Variants in ADAMTS3 observed in about 807,000 individuals in gnomAD.
ADAMTS3 encodes the protein ADAM metallopeptidase with thrombospondin type 1 motif 3.
A neutral mutation model predicts 129.0 loss-of-function variants in ADAMTS3; 73 were observed. That is an observed-to-expected ratio of 0.57 (90% confidence interval 0.47 to 0.69). The LOEUF is 0.69. ADAMTS3 is among the 30% of genes least tolerant of loss of function. ADAMTS3 has a pLI of 0.00. For missense variants in ADAMTS3, 1,457 were observed against 1,514.5 expected (o/e 0.96, Z 0.63); for synonymous variants, 477 against 510.8 (o/e 0.93, Z 0.89).
At chr4:72,478,908 CAGAG>C (rs1719330531) in intron 3 of ADAMTS3, among the ~76,000 whole-genome samples, 1 of 151,802 alleles carries the variant, frequency 6.6e-6, no homozygotes, top group East Asian at 1.9e-4. Flanking sequence ...AACAGACAAA[CAGAG>C]AGCCAAATCA....
chr4:72,538,784 C>G (rs1209327084), intron 3 of ADAMTS3, among the ~76,000 whole-genome samples: 1 of 152,016 alleles, frequency 6.6e-6, no homozygotes, highest in Non-Finnish European at 1.5e-5. Flanking sequence ...CTACAGTAAT[C>G]AAAATAAAGT....
chr4:72,318,487 C>T (rs552423996), intron 10 of ADAMTS3, 85 bp downstream of exon 10: 368 of 1,409,570 alleles, frequency 2.6e-4, no homozygotes, highest in Non-Finnish European at 2.9e-4. Flanking sequence ...TATACTTGCA[C>T]CAGTGAGTCT....
chr4:72,332,944 A>T (rs75902632), intron 5 of ADAMTS3, among the ~76,000 whole-genome samples: 5,623 of 152,238 alleles, frequency 0.037, 345 homozygotes, highest in African/African-American at 0.13. Flanking sequence ...CTTTGTAATG[A>T]GAGGCAGTGA....
At chr4:72,335,408 C>T (rs751157168) in intron 5 of ADAMTS3, among the ~76,000 whole-genome samples, 7 of 152,084 alleles carry the variant, frequency 4.6e-5, no homozygotes, top group Non-Finnish European at 8.8e-5. Context: ...AGGTGGACAA[C>T]TTGCATGGCT....
At chr4:72,377,628 G>C (rs561411236) in intron 4 of ADAMTS3, among the ~76,000 whole-genome samples, 1 of 152,264 alleles carries the variant, frequency 6.6e-6, no homozygotes, top group African/African-American at 2.4e-5. Flanking sequence ...GATGCTAAAA[G>C]TATTCCAAGT....
At chr4:72,548,994 A>T in intron 2 of ADAMTS3, 110 bp from the exon 3 acceptor site, 1 of 922,856 alleles carries the variant, frequency 1.1e-6, no homozygotes, top group Non-Finnish European at 1.6e-6. Flanking sequence ...AATGTGCATA[A>T]TATAGACATT....
chr4:72,566,399 C>G (rs1401151), intron 2 of ADAMTS3, among the ~76,000 whole-genome samples: 146,397 of 152,306 alleles, frequency 0.96, 70,630 homozygotes, highest in East Asian at 1. Flanking sequence ...CCCCACCTCA[C>G]AGTGTGGCTG....
chr4:72,392,518 A>G (rs571845180), intron 4 of ADAMTS3, among the ~76,000 whole-genome samples: 16 of 152,312 alleles, frequency 1.1e-4, no homozygotes, highest in African/African-American at 4.8e-5. Context: ...AAGCATCTTG[A>G]TAATTTTTCT....
At chr4:72,489,066 T>A (rs933921097) in intron 3 of ADAMTS3, among the ~76,000 whole-genome samples, 3 of 152,020 alleles carry the variant, frequency 2.0e-5, no homozygotes, top group Non-Finnish European at 4.4e-5. Flanking sequence ...TCACTTAGCA[T>A]AAAGTCCTCC....
chr4:72,310,976 T>TA (rs1438336887), intron 14 of ADAMTS3, 72 bp downstream of exon 14: 50 of 1,369,378 alleles, frequency 3.7e-5, no homozygotes, highest in African/African-American at 1.5e-5. Context: ...TTTAAAAAAT[T>TA]AAAAATGTGC....
chr4:72,310,318 A>C (rs567393011), intron 14 of ADAMTS3, among the ~76,000 whole-genome samples: 1 of 152,112 alleles, frequency 6.6e-6, no homozygotes, highest in Non-Finnish European at 1.5e-5. Context: ...GGCAGGGAAA[A>C]TAAAGACAAC....
chr4:72,497,760 C>A (rs1224986063), intron 3 of ADAMTS3, among the ~76,000 whole-genome samples: 1 of 144,168 alleles, frequency 6.9e-6, no homozygotes, highest in African/African-American at 2.5e-5. Flanking sequence ...GAAAAAAAGT[C>A]TATTTACATT....
intron 17 of ADAMTS3, 86 bp from the exon 18 acceptor site, chr4:72,298,528 C>A (rs1718867506): frequency 9.5e-7 from 1 of 1,052,228 alleles, no homozygotes; most frequent in Non-Finnish European, 1.3e-6. Context: ...GAATATTGCT[C>A]TTATTAAAAC....
chr4:72,510,457 G>C (rs1478956440), intron 3 of ADAMTS3, among the ~76,000 whole-genome samples: 1 of 151,934 alleles, frequency 6.6e-6, no homozygotes, highest in Non-Finnish European at 1.5e-5. Context: ...ATAAAAATTA[G>C]TAGCATTTCT....
chr4:72,456,020 T>A (rs1718575951), intron 3 of ADAMTS3, among the ~76,000 whole-genome samples: 1 of 17,446 alleles, frequency 5.7e-5, no homozygotes, highest in Non-Finnish European at 9.1e-5. Context: ...ATATATACTA[T>A]ATATATATTT....
intron 3 of ADAMTS3, among the ~76,000 whole-genome samples, chr4:72,461,142 C>T (rs1314421082): frequency 6.6e-6 from 1 of 151,524 alleles, no homozygotes; most frequent in Non-Finnish European, 1.5e-5. Flanking sequence ...ACCATATCAA[C>T]TCGATGAACT....
chr4:72,410,192 C>T (rs1255416415), intron 4 of ADAMTS3, among the ~76,000 whole-genome samples: 3 of 152,078 alleles, frequency 2.0e-5, no homozygotes, highest in Non-Finnish European at 2.9e-5. Flanking sequence ...GGCTCTGGGC[C>T]TAGGAAGTCC....
intron 3 of ADAMTS3, among the ~76,000 whole-genome samples, chr4:72,529,737 T>G: frequency 1.7e-5 from 1 of 58,836 alleles, no homozygotes; most frequent in East Asian, 3.8e-4. Context: ...TAATATATAT[T>G]TATTTAATAT....
intron 3 of ADAMTS3, among the ~76,000 whole-genome samples, chr4:72,507,414 C>T (rs952519241): frequency 9.2e-5 from 14 of 152,118 alleles, no homozygotes; most frequent in African/African-American, 2.7e-4. Context: ...AAGGGCCATA[C>T]GAAATAGCTG....
Sources: allele counts gnomAD v4.1 joint callset (sites outside exome capture counted in the v4.1 genomes callset), GRCh38; gene constraint gnomAD v4.1.1; transcripts MANE v1.5; gene names NCBI Gene and HGNC (gene_info 2026-07-23, HGNC 2026-07-21).